Variants in KRT39 observed in about 807,000 individuals in gnomAD.
KRT39 encodes keratin, type I cytoskeletal 39.
KRT39 carries 47 observed loss-of-function variants against 54.8 expected under a neutral mutation model. The observed-to-expected ratio is 0.86, with a 90% CI of 0.68 to 1.09. The LOEUF is 1.09. Among genes scored for constraint, KRT39 ranks in the 50% least tolerant of loss-of-function variants. KRT39 has a pLI of 0.00. For synonymous variants in KRT39, 207 were observed against 227.9 expected, an observed-to-expected ratio of 0.91 and a Z score of 0.83; for missense variants, 580 against 598.5, an observed-to-expected ratio of 0.97 and a Z score of 0.32.
At position 40,966,703 on chromosome 17, in the gene KRT39, T is replaced by C; in HGVS notation, c.154A>G (p.Arg52Gly). 1 of 1,614,198 alleles carries C rather than the reference T, an allele frequency of 6.2e-7. No individual in the cohort carries two copies. Among genetic ancestry groups the C allele is most frequent in the Admixed American group, 1.7e-5 (1 of 60,018 alleles). Residue 52 changes from arginine (R) to glycine (G), a missense_variant, in exon 1 of 7, where the codon AGA becomes GGA. Physicochemically the swap from Arg to Gly is moderately radical, Grantham distance 125. Coordinates refer to ENST00000355612, the MANE Select transcript of KRT39 (RefSeq NM_213656.4). ...TGGCAGCCCTGGTCCCAGGGAATTC[T>C]GAGAACGTGGCCAGCTGGTTGACAG... ...NNCQPAGHVL[R>G]IPWDQGCQPT...
In KRT39 at chr17:40,958,811, T is replaced by A. The variant is rs1282120844; in HGVS notation, c.1266A>T (p.Thr422=). 3.7e-6 allele frequency: 6 copies of A among 1,612,444 alleles called. No homozygotes were observed. In the Admixed American group the frequency reaches 1.0e-4, roughly 27 times the overall value. Residue 422 remains threonine, a synonymous_variant, in exon 7 of 7, where the codon ACA becomes ACT. Transcript: ENST00000355612. ...RATKCEPSPW[T]SCKSGAIEST... ...TTTCTATGGCTCCGGACTTACAAGA[T>A]GTCCAAGGGGAAGGCTCACATTTGG...
At chr17:40,961,126 T>A (rs1329222381) in intron 5 of KRT39, among the ~76,000 whole-genome samples, 13 of 105,358 alleles carry the variant, frequency 1.2e-4, no homozygotes, top group African/African-American at 6.8e-4. Flanking sequence ...TGAGACTCCA[T>A]CTCAAAAAGA....
chr17:40,966,057 T>TTGTG (rs1204737305), intron 1 of KRT39, among the ~76,000 whole-genome samples: 1 of 135,688 alleles, frequency 7.4e-6, no homozygotes, highest in Non-Finnish European at 1.6e-5. Context: ...TAATTTTTTT[T>TTGTG]TGTGTGTGTA....
chr17:40,962,772 T>TA (rs760228512), intron 3 of KRT39, among the ~76,000 whole-genome samples: 69 of 151,218 alleles, frequency 4.6e-4, no homozygotes, highest in Non-Finnish European at 5.9e-4. Flanking sequence ...TGTGCAAAAT[T>TA]AAAAAAAAAT....
chr17:40,958,942 T>G, intron 6 of KRT39, 83 bp from the exon 7 acceptor site: 1 of 1,314,026 alleles, frequency 7.6e-7, no homozygotes, highest in South Asian at 1.4e-5. Context: ...GCTAATTTTT[T>G]TAACACGTGT....
intron 1 of KRT39, among the ~76,000 whole-genome samples, chr17:40,965,222 A>G (rs1198496581): frequency 6.6e-6 from 1 of 151,294 alleles, no homozygotes; most frequent in East Asian, 1.9e-4. Context: ...AAAAAAATAC[A>G]AAAATTATCT....
At chr17:40,961,152 A>G (rs958971267) in intron 5 of KRT39, among the ~76,000 whole-genome samples, 2 of 149,076 alleles carry the variant, frequency 1.3e-5, no homozygotes, top group Non-Finnish European at 3.0e-5. Context: ...AAAAAAAAGC[A>G]TTACCATGGC....
intron 3 of KRT39, among the ~76,000 whole-genome samples, 177 bp from the exon 4 acceptor site, chr17:40,962,740 G>T (rs1010420330): frequency 2.0e-5 from 3 of 152,092 alleles, no homozygotes; most frequent in Non-Finnish European, 4.4e-5. Flanking sequence ...GACTCTTTCA[G>T]GTAGGACTGT....
intron 5 of KRT39, among the ~76,000 whole-genome samples, chr17:40,960,962 T>C (rs1196133139): frequency 6.6e-6 from 1 of 152,066 alleles, no homozygotes; most frequent in Non-Finnish European, 1.5e-5. Context: ...AAACCCCGTC[T>C]CTACTAAAAA....
In KRT39 at chr17:40,966,621, CG is replaced by C; in HGVS notation, c.235del (p.Arg79ValfsTer25). On this transcript the variant is annotated frameshift_variant, in exon 1 of 7. Coordinates refer to ENST00000355612, the MANE Select transcript of KRT39 (RefSeq NM_213656.4). LOFTEE classifies it high-confidence loss of function. ...PIYLMNNFNA[R>X]FSLDDCSWYG... ...CCAGCTGCAGTCATCCAGAGAAAAACGGGCATTGAAGTTGTTCATTAGGTAG... is the reference window on the plus strand; with the variant it reads ...CCAGCTGCAGTCATCCAGAGAAAAACGGCATTGAAGTTGTTCATTAGGTAG... 6.2e-7 allele frequency: 1 copy of C among 1,614,160 alleles called. No individual in the cohort carries two copies. The highest frequency in any genetic ancestry group is 1.1e-5 in the South Asian group (1 of 91,084).
chr17:40,959,391 T>C (rs1275256584), intron 6 of KRT39, among the ~76,000 whole-genome samples: 1 of 151,954 alleles, frequency 6.6e-6, no homozygotes, highest in Non-Finnish European at 1.5e-5. Context: ...GAGTCCTCAC[T>C]GTGTCATCAG....
rs192033003 is a variant in KRT39, at chr17:40,964,940, T to G, written c.469-412A>C. 9.3e-3 allele frequency among the ~76,000 whole-genome samples: 1,401 copies of G among 150,376 alleles called. 16 individuals carry two copies. Among genetic ancestry groups the G allele is most frequent in the African/African-American group, 0.032 (1,324 of 40,820 alleles). ...GGCCGGGCGCAGTGGCTCACGCCTG[T>G]AATCCCAGCACTTTGGGAGGCCGAG... On this transcript the variant is annotated intron_variant, in intron 1 of 6. Coordinates refer to ENST00000355612, the MANE Select transcript of KRT39 (RefSeq NM_213656.4).
Position 40,966,728 on chromosome 17 carries a change from G to T in KRT39, c.129C>A (p.Asn43Lys). ...GCHPGGLTVN[N>K]CQPAGHVLRI... The stretch of plus-strand genomic sequence containing the variant: ...TGAGAACGTGGCCAGCTGGTTGACA[G>T]TTGTTGACTGTAAGGCCACCAGGAT... The change falls in exon 1 of 7, where the codon AAC (asparagine) becomes AAA (lysine). Residue 43 changes from asparagine to lysine, a missense_variant. Transcript: ENST00000355612. 1 of 1,614,224 alleles carries T rather than the reference G, an allele frequency of 6.2e-7. No individual in the cohort carries two copies. The highest frequency in any genetic ancestry group is 8.5e-7 in the Non-Finnish European group (1 of 1,180,016).
At chr17:40,965,160 C>T (rs146394894) in intron 1 of KRT39, among the ~76,000 whole-genome samples, 2,845 of 151,496 alleles carry the variant, frequency 0.019, 78 homozygotes, top group African/African-American at 0.064. Context: ...GCCGAGATCG[C>T]GCCACTGCAC....
intron 1 of KRT39, among the ~76,000 whole-genome samples, chr17:40,964,919 G>A (rs1456664835): frequency 4.6e-5 from 7 of 150,580 alleles, no homozygotes; most frequent in East Asian, 2.0e-4. Flanking sequence ...AAAATTGGCC[G>A]GGCGCAGTGG....
chr17:40,959,208 C>A (rs1911035807), intron 6 of KRT39, among the ~76,000 whole-genome samples: 2 of 152,180 alleles, frequency 1.3e-5, no homozygotes, highest in African/African-American at 4.8e-5. Context: ...ACGCACTCAA[C>A]CTTTAGTTTT....
intron 6 of KRT39, 105 bp downstream of exon 6, chr17:40,960,176 G>T: frequency 2.1e-6 from 2 of 947,366 alleles, no homozygotes; most frequent in Non-Finnish European, 1.6e-6. Flanking sequence ...CCCATCACTG[G>T]CAAGAAGGTC....
chr17:40,960,932 C>T (rs1911126727), intron 5 of KRT39, among the ~76,000 whole-genome samples: 1 of 152,142 alleles, frequency 6.6e-6, no homozygotes, highest in East Asian at 1.9e-4. Context: ...GAGTTCAAGA[C>T]CAGCCTGGCC....
At chr17:40,964,324 G>A (rs1911272503) in intron 2 of KRT39, 122 bp downstream of exon 2, 1 of 772,578 alleles carries the variant, frequency 1.3e-6, no homozygotes, top group Admixed American at 2.0e-5. Flanking sequence ...AGTCTTTTCT[G>A]GGCTTGTGCC....
Sources: gnomAD v4.1 joint callset for allele counts (sites outside exome capture counted in the v4.1 genomes callset) on GRCh38, gnomAD v4.1.1 for gene constraint, MANE v1.5 for transcripts, NCBI Gene and HGNC (gene_info 2026-07-23, HGNC 2026-07-21) for gene names.